The following ZNF821 variants were observed in gnomAD, a reference collection of about 807,000 sequenced individuals.
ZNF821 encodes zinc finger protein 821.
Under a neutral mutation model 44.3 loss-of-function variants are expected in ZNF821, and 16 were observed. The observed-to-expected ratio is 0.36, with a 90% CI of 0.24 to 0.55. The LOEUF (loss-of-function observed/expected upper bound fraction) is 0.55. Ranked by LOEUF, ZNF821 falls within the 20% of genes least tolerant of loss-of-function variation. The probability of loss-of-function intolerance (pLI) is 0.86; values close to 1 mark genes in which losing one functional copy is unlikely to be tolerated. For synonymous variants in ZNF821, 204 were observed against 197.6 expected, an observed-to-expected ratio of 1.03 and a Z score of -0.27; for missense variants, 436 against 547.6, an observed-to-expected ratio of 0.80 and a Z score of 2.03.
At chr16:71,872,881 G>C (rs923892455) in intron 3 of ZNF821, among the ~76,000 whole-genome samples, 2 of 152,208 alleles carry the variant, frequency 1.3e-5, no homozygotes, top group Non-Finnish European at 2.9e-5. Context: ...AAAGTTTTAA[G>C]TCACTCATGT....
intron 6 of ZNF821, 73 bp from the exon 7 acceptor site, chr16:71,862,015 T>A: frequency 6.5e-7 from 1 of 1,547,818 alleles, no homozygotes; most frequent in Non-Finnish European, 8.8e-7. Flanking sequence ...AGAAATGACT[T>A]TTGGGAAATG....
intron 1 of ZNF821, chr16:71,894,712 T>G (rs2036928513): frequency 1.7e-6 from 1 of 577,700 alleles, no homozygotes; most frequent in Non-Finnish European, 2.9e-6. Flanking sequence ...TTTTTTTTTT[T>G]TTTTGTAGCG....
At chr16:71,864,557 A>G (rs2034309899) in intron 5 of ZNF821, among the ~76,000 whole-genome samples, 1 of 152,144 alleles carries the variant, frequency 6.6e-6, no homozygotes, top group African/African-American at 2.4e-5. Flanking sequence ...AGAAGGTGGC[A>G]CTCCAGGTGA....
chr16:71,861,573 T>C (rs539736618), intron 7 of ZNF821, among the ~76,000 whole-genome samples: 1 of 152,366 alleles, frequency 6.6e-6, no homozygotes, highest in Admixed American at 6.5e-5. Context: ...GATATTCTGA[T>C]GGGAAAATAA....
At chr16:71,880,056 C>A in intron 2 of ZNF821, 33 bp from the exon 3 acceptor site, 1 of 1,025,234 alleles carries the variant, frequency 9.8e-7, no homozygotes, top group South Asian at 1.9e-5. Flanking sequence ...TAGCACATGT[C>A]ATTTTCCCCA....
intron 3 of ZNF821, among the ~76,000 whole-genome samples, chr16:71,874,830 T>C (rs1385252822): frequency 6.6e-6 from 1 of 152,236 alleles, no homozygotes. Flanking sequence ...TGCAAGGTGA[T>C]AGGAGACTCA....
chr16:71,882,522 CAG>C (rs1171414410), intron 2 of ZNF821, among the ~76,000 whole-genome samples: 2 of 152,144 alleles, frequency 1.3e-5, no homozygotes, highest in African/African-American at 4.8e-5. Flanking sequence ...AGTCAAAAGA[CAG>C]AGATGAGTGT....
upstream of ZNF821, among the ~76,000 whole-genome samples, chr16:71,887,788 A>C (rs1167206068): frequency 6.6e-6 from 1 of 150,822 alleles, no homozygotes; most frequent in Non-Finnish European, 1.5e-5. Flanking sequence ...ATATTTTTTC[A>C]TGTGCTTATT....
intron 2 of ZNF821, 28 bp downstream of exon 2, chr16:71,883,183 G>C (rs1356268460): frequency 2.2e-6 from 1 of 456,402 alleles, no homozygotes; most frequent in African/African-American, 2.0e-5. Context: ...TGAAATCTCA[G>C]CTTGATGAAA....
upstream of ZNF821, among the ~76,000 whole-genome samples, chr16:71,886,856 C>A (rs1472368853): frequency 1.3e-5 from 2 of 152,188 alleles, no homozygotes; most frequent in Admixed American, 6.5e-5. Context: ...ACCCACAAAT[C>A]TACTTTCTGT....
intron 3 of ZNF821, among the ~76,000 whole-genome samples, chr16:71,870,224 T>C (rs1949020520): frequency 1.3e-5 from 2 of 152,206 alleles, no homozygotes; most frequent in South Asian, 4.1e-4. Flanking sequence ...TTATGACTCA[T>C]ACTGTGATTG....
chr16:71,862,469 TG>T, intron 6 of ZNF821, among the ~76,000 whole-genome samples: 2 of 152,246 alleles, frequency 1.3e-5, no homozygotes, highest in East Asian at 3.9e-4. Context: ...AGCGAAATTC[TG>T]TCTCAAAAAC....
chr16:71,882,278 A>T (rs1462869370), intron 2 of ZNF821: 1 of 151,484 alleles, frequency 6.6e-6, no homozygotes, highest in East Asian at 1.9e-4. Context: ...CAAAAAAAAA[A>T]AAAAAAGATA....
At chr16:71,887,797 T>C (rs2036867111), upstream of ZNF821, among the ~76,000 whole-genome samples, 1 of 152,208 alleles carries the variant, frequency 6.6e-6, no homozygotes, top group South Asian at 2.1e-4. Context: ...CATGTGCTTA[T>C]TATTGACCAT....
At chr16:71,871,399 C>A (rs571880387) in intron 3 of ZNF821, among the ~76,000 whole-genome samples, 62 of 152,144 alleles carry the variant, frequency 4.1e-4, no homozygotes, top group Non-Finnish European at 8.5e-4. Flanking sequence ...TTTTAGCAGA[C>A]CTCATAAGAA....
At chr16:71,890,110 A>C (rs1000328821) in intron 1 of ZNF821, among the ~76,000 whole-genome samples, 6 of 152,222 alleles carry the variant, frequency 3.9e-5, no homozygotes, top group Non-Finnish European at 8.8e-5. Context: ...TATAGCCCTA[A>C]TTAGTGACAT....
At position 71,892,964 on chromosome 16, in the gene ZNF821, C is replaced by T. The variant is rs1389459429; in HGVS notation, n.448+1925G>A. Among the ~76,000 whole-genome samples the T allele has an allele frequency of 2.0e-5, 3 of 149,996 alleles. No individual in the cohort carries two copies. In the South Asian group the frequency reaches 6.3e-4, roughly 32 times the overall value. ...CTGGTCGGTTTCGAACTCCTAACCTCAAGTGATCCACCCACCTCGGCCTCT... is the reference window on the plus strand; with the variant it reads ...CTGGTCGGTTTCGAACTCCTAACCTTAAGTGATCCACCCACCTCGGCCTCT... On this transcript the variant is annotated intron_variant and non_coding_transcript_variant, in intron 1 of 2. Coordinates refer to the ZNF821 transcript ENST00000561700.
upstream of ZNF821, among the ~76,000 whole-genome samples, chr16:71,888,424 A>G (rs1177891403): frequency 6.6e-6 from 1 of 151,360 alleles, no homozygotes; most frequent in East Asian, 2.0e-4. Flanking sequence ...TCTTCACTCC[A>G]TTTTGAGTTA....
rs780865581 is a variant in ZNF821, at chr16:71,859,984, T to C, written c.*34A>G. ...CTGTGGGTGTGGGTGGGTGGGTAGG[T>C]AGGTGGGAAGGAGGGCAGGCAGGAG... On this transcript the variant is annotated 3_prime_UTR_variant, in exon 8 of 8. Transcript: ENST00000425432. The C allele has an allele frequency of 6.6e-7, 1 of 1,523,498 alleles. No homozygotes were observed. Among genetic ancestry groups the C allele is most frequent in the Non-Finnish European group, 8.8e-7 (1 of 1,138,776 alleles). The allele number at this position is 1,523,498 out of a possible 1,614,324, so 94.4% of individuals were successfully genotyped here. A position where few individuals can be genotyped will look rare whatever the true frequency, so the allele number is the denominator to read the frequency against.
Sources: gnomAD v4.1 joint callset for allele counts (sites outside exome capture counted in the v4.1 genomes callset) on GRCh38, gnomAD v4.1.1 for gene constraint, MANE v1.5 for transcripts, NCBI Gene and HGNC (gene_info 2026-07-23, HGNC 2026-07-21) for gene names.